Variants in SYNE2 observed in about 807,000 individuals in gnomAD.
The protein encoded by SYNE2 is nesprin-2.
SYNE2 carries 431 observed loss-of-function variants against 856.3 expected under a neutral mutation model. The observed-to-expected ratio is 0.50, with a 90% CI of 0.47 to 0.55. The LOEUF (loss-of-function observed/expected upper bound fraction) is 0.55. SYNE2 is among the 20% of genes least tolerant of loss of function. The pLI is 0.00. For synonymous variants in SYNE2, 2,923 were observed against 2,872.3 expected, an observed-to-expected ratio of 1.02 and a Z score of -0.56; for missense variants, 8,129 against 8,023.2, an observed-to-expected ratio of 1.01 and a Z score of -0.50.
At chr14:64,170,023 AC>A (rs1335473636) in intron 93 of SYNE2, among the ~76,000 whole-genome samples, 1 of 152,198 alleles carries the variant, frequency 6.6e-6, no homozygotes, top group Non-Finnish European at 1.5e-5. Flanking sequence ...ACGTGCAGAT[AC>A]CTTCTGCTAA....
At chr14:64,139,473 G>T (rs983832095) in intron 79 of SYNE2, among the ~76,000 whole-genome samples, 2 of 151,666 alleles carry the variant, frequency 1.3e-5, no homozygotes, top group African/African-American at 4.9e-5. Flanking sequence ...GTACAGTGGC[G>T]CAATCTCGGC....
At chr14:64,164,494 C>G (rs1160669195) in intron 89 of SYNE2, among the ~76,000 whole-genome samples, 2 of 152,262 alleles carry the variant, frequency 1.3e-5, no homozygotes, top group East Asian at 3.9e-4. Flanking sequence ...AGTGATCTAC[C>G]CACCTTGGCC....
chr14:63,799,941 C>T (rs186957619), intron 1 of SYNE2, among the ~76,000 whole-genome samples: 165 of 152,222 alleles, frequency 1.1e-3, no homozygotes, highest in African/African-American at 3.7e-3. Context: ...TTTCCTTCAA[C>T]GGGACATCAG....
chr14:64,204,189 TCTTTG>T (rs1364028011), intron 100 of SYNE2, among the ~76,000 whole-genome samples: 3 of 152,248 alleles, frequency 2.0e-5, no homozygotes, highest in Non-Finnish European at 2.9e-5. Context: ...CTAGGCTCTG[TCTTTG>T]CTTTGTGCAG....
Position 63,981,179 on chromosome 14 carries a change from T to G in SYNE2, c.1836+6T>G, listed in dbSNP as rs780035873. On this transcript the variant is annotated splice_donor_region_variant and intron_variant, in intron 16 of 115. Transcript: ENST00000555002. ...AGAAGGAAGAAATTAAAGAGGTATT[T>G]GCAGTCTAATAGCATCTGCTCAATT... The G allele has an allele frequency of 6.2e-7, 1 of 1,607,534 alleles. No individual in the cohort carries two copies. The highest frequency in any genetic ancestry group is 1.3e-5 in the African/African-American group (1 of 74,812).
intron 1 of SYNE2, among the ~76,000 whole-genome samples, chr14:63,861,502 C>T (rs1893703848): frequency 6.6e-6 from 1 of 151,766 alleles, no homozygotes; most frequent in African/African-American, 2.4e-5. Flanking sequence ...ACATTAATTG[C>T]AGTGTAGGCT....
chr14:63,812,992 G>A (rs886635279), intron 1 of SYNE2, among the ~76,000 whole-genome samples: 9 of 152,138 alleles, frequency 5.9e-5, no homozygotes, highest in Admixed American at 5.9e-4. Flanking sequence ...TTCCTGGTAG[G>A]CTAAGGAAAC....
intron 1 of SYNE2, among the ~76,000 whole-genome samples, chr14:63,908,451 G>A (rs1291866016): frequency 1.3e-5 from 2 of 152,118 alleles, no homozygotes; most frequent in African/African-American, 4.8e-5. Flanking sequence ...TGCTTTTAAA[G>A]AGGTATGAAG....
intron 112 of SYNE2, among the ~76,000 whole-genome samples, chr14:64,222,089 ATCTT>A (rs1252866622): frequency 6.6e-6 from 1 of 152,168 alleles, no homozygotes; most frequent in Admixed American, 6.5e-5. Flanking sequence ...CTATGGAAAA[ATCTT>A]TCTTCTTGGA....
intron 1 of SYNE2, among the ~76,000 whole-genome samples, chr14:63,872,761 CAA>C (rs36125169): frequency 1.0e-4 from 9 of 87,768 alleles, no homozygotes; most frequent in Admixed American, 1.4e-4. Context: ...GACTCTGCCT[CAA>C]AAAAAAAAAA....
intron 63 of SYNE2, chr14:64,100,089 A>G (rs1242111612): frequency 1.3e-5 from 2 of 152,128 alleles, no homozygotes; most frequent in African/African-American, 4.8e-5. Flanking sequence ...CCAAATGTCC[A>G]ACAATGATAG....
intron 1 of SYNE2, among the ~76,000 whole-genome samples, chr14:63,893,077 C>T (rs938470977): frequency 6.6e-6 from 1 of 151,776 alleles, no homozygotes; most frequent in African/African-American, 2.4e-5. Flanking sequence ...TGTTTTGGGG[C>T]AGCCAAAGTG....
At chr14:63,974,539 A>C (rs550823017) in intron 11 of SYNE2, among the ~76,000 whole-genome samples, 1 of 152,072 alleles carries the variant, frequency 6.6e-6, no homozygotes, top group African/African-American at 2.4e-5. Flanking sequence ...CAAACTGTAC[A>C]GCAGTAAGTT....
intron 1 of SYNE2, among the ~76,000 whole-genome samples, chr14:63,820,803 G>A (rs757988934): frequency 1.3e-5 from 2 of 149,390 alleles, no homozygotes; most frequent in Non-Finnish European, 3.0e-5. Context: ...AGGCTGTAGT[G>A]CAGCAGCACA....
rs117647282 is a variant in SYNE2, at chr14:64,003,111, G to A, written c.4178G>A (p.Arg1393Gln). Residue 1393 changes from arginine to glutamine, a missense_variant, in exon 30 of 116, where the codon CGG (arginine) becomes CAG (glutamine). Coordinates refer to ENST00000555002, the MANE Select transcript of SYNE2 (RefSeq NM_182914.3). ...GATATGAGCTTTAAAGATGCTGAACGGGGTGATGACACCTCCTGTGAAAAC... is the reference window on the plus strand; with the variant it reads ...GATATGAGCTTTAAAGATGCTGAACAGGGTGATGACACCTCCTGTGAAAAC... The part of the protein sequence containing the change: ...MLDMSFKDAE[R>Q]GDDTSCENLL... 1,154 of 1,614,134 alleles carry A rather than the reference G, an allele frequency of 7.1e-4. 2 individuals carry two copies. The highest frequency in any genetic ancestry group is 8.9e-4 in the Non-Finnish European group (1,050 of 1,180,010).
At position 64,026,696 on chromosome 14, in the gene SYNE2, G is replaced by A; in HGVS notation, c.6370G>A (p.Asp2124Asn). Residue 2124 changes from aspartate (D) to asparagine (N), a missense_variant, in exon 42 of 116, where the codon GAC (aspartate) becomes AAC (asparagine). By Grantham distance (23) the Asp-to-Asn change is conservative (BLOSUM62 1). This residue lies in a region of SYNE2 where 297 missense variants were observed against 380.9 expected (regional missense o/e 0.78). Coordinates refer to ENST00000555002, the MANE Select transcript of SYNE2 (RefSeq NM_182914.3). ...CCTCACTGACATCAGCAACCAGTGG[G>A]ACAACACACTCCATTTAGCTAGCAC... Reference protein sequence around the residue: ...KTLTDISNQWDNTLHLASTYL... With the variant: ...KTLTDISNQWNNTLHLASTYL... The A allele has an allele frequency of 3.7e-6, 6 of 1,611,824 alleles. No homozygotes were observed. The highest frequency in any genetic ancestry group is 5.1e-6 in the Non-Finnish European group (6 of 1,178,876).
At chr14:64,015,828 A>G (rs2096888240) in intron 32 of SYNE2, among the ~76,000 whole-genome samples, 1 of 152,048 alleles carries the variant, frequency 6.6e-6, no homozygotes, top group Non-Finnish European at 1.5e-5. Flanking sequence ...ATTTAGTGCT[A>G]TAAATTTCCC....
At chr14:63,765,421 C>T (rs112706486) in intron 1 of SYNE2, among the ~76,000 whole-genome samples, 5,072 of 152,186 alleles carry the variant, frequency 0.033, 283 homozygotes, top group African/African-American at 0.11. Context: ...GGTGCGATCT[C>T]GGCTCACTGC....
intron 1 of SYNE2, among the ~76,000 whole-genome samples, chr14:63,818,509 C>T (rs1889093022): frequency 1.3e-5 from 2 of 151,838 alleles, no homozygotes; most frequent in Non-Finnish European, 2.9e-5. Context: ...AGAACGAGAC[C>T]CTGTCTCGAA....
Sources: allele counts gnomAD v4.1 joint callset (sites outside exome capture counted in the v4.1 genomes callset), GRCh38; gene constraint gnomAD v4.1.1; regional missense constraint gnomAD v4.1.1; transcripts MANE v1.5; gene names NCBI Gene and HGNC (gene_info 2026-07-23, HGNC 2026-07-21).